LACTB2: variants seen among roughly 807,000 people sequenced by gnomAD.
LACTB2 encodes lactamase beta 2, also known as endoribonuclease LACTB2.
In LACTB2, 32 loss-of-function variants were observed where a neutral mutation model predicts 34.8. That is an observed-to-expected ratio of 0.92 (90% CI 0.69 to 1.24). LACTB2 has a LOEUF of 1.24. LACTB2 is among the 50% of genes most tolerant of loss of function. LACTB2 has a pLI of 0.00. For missense variants in LACTB2, 320 were observed against 345.0 expected, an observed-to-expected ratio of 0.93 and a Z score of 0.57; for synonymous variants, 120 against 117.5, an observed-to-expected ratio of 1.02 and a Z score of -0.14.
intron 4 of LACTB2, among the ~76,000 whole-genome samples, chr8:70,642,911 C>G (rs768076677): frequency 6.6e-5 from 10 of 152,046 alleles, no homozygotes; most frequent in Non-Finnish European, 8.8e-5. Context: ...GATATAGAAG[C>G]TATTGGTATT....
At chr8:70,661,104 C>T (rs146740233) in intron 2 of LACTB2, 10 of 453,536 alleles carry the variant, frequency 2.2e-5, no homozygotes, top group African/African-American at 1.6e-4. Context: ...TTTACCAGTA[C>T]CTTCCCTACT....
chr8:70,661,409 G>A (rs1401242077), intron 2 of LACTB2: 1 of 280,916 alleles, frequency 3.6e-6, no homozygotes, highest in Non-Finnish European at 6.9e-6. Flanking sequence ...AACAATAAGA[G>A]CACCTACCTC....
rs1818590111 is a variant in LACTB2 at position 70,669,108 on chromosome 8, G to GT, written c.12dup (p.Leu5ThrfsTer18). The stretch of plus-strand genomic sequence containing the variant: ...TTGGACAGCCGCTCGACGCGCTGCA[G>GT]TACAGCAGCCATTCCCGCCTCAGCC... On this transcript the variant is annotated frameshift_variant, in exon 1 of 7. Transcript: ENST00000276590. LOFTEE classifies it high-confidence loss of function. The GT allele has an allele frequency of 6.2e-7, 1 of 1,607,326 alleles. No individual in the cohort carries two copies. Among genetic ancestry groups the GT allele is most frequent in the Non-Finnish European group, 8.5e-7 (1 of 1,177,282 alleles).
intron 6 of LACTB2, among the ~76,000 whole-genome samples, chr8:70,638,114 C>T (rs552882884): frequency 2.0e-5 from 3 of 152,146 alleles, no homozygotes; most frequent in Non-Finnish European, 4.4e-5. Flanking sequence ...GATTACATTT[C>T]TATAAAGATT....
intron 3 of LACTB2, among the ~76,000 whole-genome samples, chr8:70,648,581 A>C (rs1818295780): frequency 6.6e-6 from 1 of 152,150 alleles, no homozygotes; most frequent in South Asian, 2.1e-4. Flanking sequence ...GAGAGAGAAA[A>C]AAATAAAGTT....
At chr8:70,645,668 C>T (rs778711430) in intron 3 of LACTB2, among the ~76,000 whole-genome samples, 3 of 140,678 alleles carry the variant, frequency 2.1e-5, no homozygotes, top group Non-Finnish European at 4.6e-5. Context: ...CAATAGGCCC[C>T]GGTGTGTGAT....
intron 5 of LACTB2, among the ~76,000 whole-genome samples, chr8:70,639,442 G>C (rs960902640): frequency 6.6e-6 from 1 of 152,106 alleles, no homozygotes; most frequent in Non-Finnish European, 1.5e-5. Flanking sequence ...TTACAGGCGT[G>C]AGCCACCATG....
rs530562409 is a variant in LACTB2, at chr8:70,637,689, G to C, written c.*171C>G. On this transcript the variant is annotated 3_prime_UTR_variant, in exon 7 of 7. Coordinates refer to ENST00000276590, the MANE Select transcript of LACTB2 (RefSeq NM_016027.3). ...GGTTAGAGAAATAACCTATCATATG[G>C]TTGTATAGTGTAATTTACATATTTT... The C allele has an allele frequency of 1.7e-4, 68 of 400,936 alleles. No individual in the cohort carries two copies. In the South Asian group the frequency reaches 6.0e-3, roughly 35 times the overall value. The allele number at this position is 400,936 out of a possible 1,614,324, so 24.8% of individuals were successfully genotyped here.
intron 6 of LACTB2, 79 bp from the exon 7 acceptor site, chr8:70,637,982 G>T: frequency 2.7e-6 from 2 of 754,420 alleles, no homozygotes; most frequent in South Asian, 2.6e-5. Context: ...CTTGTGGCTA[G>T]AAAAAGCATT....
In LACTB2 at chr8:70,643,208, CTTTTTTTTT is replaced by C. The variant is rs66482767; in HGVS notation, c.592+848_592+856del. Reference sequence around the variant, plus strand: ...AGACAGGACTTAGGGGTGTATTTTCCTTTTTTTTTTTTTTTTTTTTTTTTTTTTTTTTTG... The same window carrying C: ...AGACAGGACTTAGGGGTGTATTTTCCTTTTTTTTTTTTTTTTTTTTTTTTG... On this transcript the variant is annotated intron_variant, in intron 4 of 6. Coordinates refer to ENST00000276590, the MANE Select transcript of LACTB2 (RefSeq NM_016027.3). 1.8e-3 allele frequency among the ~76,000 whole-genome samples: 136 copies of C among 76,220 alleles called. 1 individual carries two copies. The highest frequency in any genetic ancestry group is 5.2e-3 in the African/African-American group (117 of 22,312). The allele number at this position is 76,220 out of a possible 152,430, so 50.0% of individuals were successfully genotyped here.
chr8:70,668,944 GC>G (rs1818582715), intron 1 of LACTB2, 54 bp downstream of exon 1: 1 of 1,548,848 alleles, frequency 6.5e-7, no homozygotes. Flanking sequence ...ATCAGTCAAA[GC>G]CCGGGCTCCG....
At chr8:70,657,055 G>A (rs981381193) in intron 3 of LACTB2, among the ~76,000 whole-genome samples, 3 of 152,112 alleles carry the variant, frequency 2.0e-5, no homozygotes, top group Non-Finnish European at 4.4e-5. Context: ...TACAATAACT[G>A]AGTTTGAAAT....
intron 4 of LACTB2, among the ~76,000 whole-genome samples, chr8:70,642,257 C>T (rs1284697495): frequency 6.6e-6 from 1 of 151,960 alleles, no homozygotes; most frequent in African/African-American, 2.4e-5. Flanking sequence ...AACAAACAAA[C>T]CCCCCCAAAG....
chr8:70,645,492 TC>T (rs1211935852), intron 3 of LACTB2, among the ~76,000 whole-genome samples: 1 of 151,592 alleles, frequency 6.6e-6, no homozygotes, highest in Non-Finnish European at 1.5e-5. Context: ...AGAAAAAGAC[TC>T]TTTTTTTTTT....
At chr8:70,657,702 A>G (rs1048215194) in intron 3 of LACTB2, 54 bp downstream of exon 3, 9 of 1,492,832 alleles carry the variant, frequency 6.0e-6, no homozygotes, top group East Asian at 4.9e-5. Context: ...ATCCTTTTCT[A>G]TAACACACAT....
At position 70,637,763 on chromosome 8, in the gene LACTB2, G is replaced by T; in HGVS notation, c.*97C>A. 1.5e-6 allele frequency: 1 copy of T among 664,036 alleles called. No individual in the cohort carries two copies. Among genetic ancestry groups the T allele is most frequent in the Non-Finnish European group, 2.4e-6 (1 of 416,052 alleles). 41.1% of individuals were successfully genotyped at this position (664,036 alleles called of 1,614,324 possible). ...AAGTATATCTAGGGTTATTTTTAAT[G>T]TTTTATACTTTTATATTCTCTATAA... is the stretch of plus-strand genomic sequence containing the variant. On this transcript the variant is annotated 3_prime_UTR_variant, in exon 7 of 7. Coordinates refer to ENST00000276590, the MANE Select transcript of LACTB2 (RefSeq NM_016027.3).
intron 1 of LACTB2, 53 bp downstream of exon 1, chr8:70,668,946 C>A (rs902411796): frequency 1.3e-6 from 2 of 1,549,624 alleles, no homozygotes; most frequent in Non-Finnish European, 1.7e-6. Context: ...CAGTCAAAGC[C>A]CGGGCTCCGG....
At chr8:70,648,848 T>A (rs1818300704) in intron 3 of LACTB2, among the ~76,000 whole-genome samples, 1 of 152,074 alleles carries the variant, frequency 6.6e-6, no homozygotes. Flanking sequence ...TGAGGTAGGA[T>A]CCTTTGATGA....
intron 1 of LACTB2, among the ~76,000 whole-genome samples, chr8:70,666,993 T>C (rs1460794014): frequency 6.6e-6 from 1 of 152,142 alleles, no homozygotes; most frequent in East Asian, 1.9e-4. Flanking sequence ...ATTTGGTAGT[T>C]AATAATAAAC....
Sources: allele counts gnomAD v4.1 joint callset (sites outside exome capture counted in the v4.1 genomes callset), GRCh38; gene constraint gnomAD v4.1.1; transcripts MANE v1.5; gene names NCBI Gene and HGNC (gene_info 2026-07-23, HGNC 2026-07-21).